ASXL1: variants seen among roughly 807,000 people sequenced by gnomAD.
ASXL1 encodes polycomb group protein ASXL1.
Under a neutral mutation model 89.1 loss-of-function variants are expected in ASXL1, and 65 were observed. The observed-to-expected ratio is 0.73, with a 90% CI of 0.60 to 0.90. ASXL1 has a LOEUF of 0.90. Ranked by LOEUF, ASXL1 falls within the 40% of genes least tolerant of loss-of-function variation. The pLI is 0.00. For missense variants in ASXL1, 1,786 were observed against 1,942.9 expected (o/e 0.92, Z 1.52); for synonymous variants, 739 against 746.9 (o/e 0.99, Z 0.17).
chr20:32,427,243 T>C (rs1353110594), intron 4 of ASXL1: 1 of 152,118 alleles, frequency 6.6e-6, no homozygotes, highest in Non-Finnish European at 1.5e-5. Flanking sequence ...GGAGGTGAAA[T>C]TTGGGATGGA....
chr20:32,435,112 T>TG lies in ASXL1; in HGVS notation c.2401dup (p.Glu801GlyfsTer21). The stretch of plus-strand genomic sequence containing the variant: ...GCACCACTTCCTGGGAAAGTGATGA[T>TG]GAGGAGCAAGGACCCACCGTTCCTG... On this transcript the variant is annotated frameshift_variant, in exon 13 of 13. Transcript: ENST00000375687. LOFTEE classifies it low-confidence loss of function (END_TRUNC). 6.2e-7 allele frequency: 1 copy of TG among 1,613,972 alleles called. No homozygotes were observed. The highest frequency in any genetic ancestry group is 8.5e-7 in the Non-Finnish European group (1 of 1,180,032).
At position 32,402,968 on chromosome 20, in the gene ASXL1, G is replaced by A. The variant is rs373337983; in HGVS notation, c.253-25160G>A. ...ATTTTTAAATTTTATAGTTTTTTTT[G>A]GTGTCATATCTAAGCACTCTTTGGC... is the stretch of plus-strand genomic sequence containing the variant. On this transcript the variant is annotated intron_variant, in intron 4 of 12. Coordinates refer to ENST00000375687, the MANE Select transcript of ASXL1 (RefSeq NM_015338.6). Among the ~76,000 whole-genome samples, 23 of 151,510 alleles carry A rather than the reference G, an allele frequency of 1.5e-4. No individual in the cohort carries two copies. In the East Asian group the frequency reaches 4.3e-3, roughly 28 times the overall value.
chr20:32,378,002 G>GTGTGTGTGTGTGTGTT (rs2048416430), intron 4 of ASXL1, among the ~76,000 whole-genome samples: 1 of 123,398 alleles, frequency 8.1e-6, no homozygotes, highest in South Asian at 2.7e-4. Context: ...GTGTGTGTGT[G>GTGTGTGTGTGTGTGTT]TTTTGGAGAC....
chr20:32,436,631 T>C lies in ASXL1; in HGVS notation c.3919T>C (p.Ser1307Pro). The change falls in exon 13 of 13, where the codon TCT becomes CCT. Residue 1307 changes from serine (S) to proline (P), a missense_variant. Coordinates refer to ENST00000375687, the MANE Select transcript of ASXL1 (RefSeq NM_015338.6). The stretch of plus-strand genomic sequence containing the variant: ...AGGCCAAGGGAAGAAGCTTTTTGGC[T>C]CTGGGAATGTGGCTGCAACCCTTCA... ...VTGQGKKLFG[S>P]GNVAATLQRP... 1 of 1,614,120 alleles carries C rather than the reference T, an allele frequency of 6.2e-7. No homozygotes were observed. The highest frequency in any genetic ancestry group is 8.5e-7 in the Non-Finnish European group (1 of 1,180,052).
In ASXL1 at chr20:32,435,562, A is replaced by G; in HGVS notation, c.2850A>G (p.Leu950=). The G allele has an allele frequency of 1.2e-6, 2 of 1,614,100 alleles. No individual in the cohort carries two copies. The highest frequency in any genetic ancestry group is 1.7e-6 in the Non-Finnish European group (2 of 1,180,034). The stretch of plus-strand genomic sequence containing the variant: ...GGGATTTGACAGCTGAGGAGGGTCT[A>G]GATCCTCTTGACAGCCTTACTTCAC... ...LPGDLTAEEG[L]DPLDSLTSLW... The change falls in exon 13 of 13, where the codon CTA becomes CTG. Residue 950 remains leucine (L), a synonymous_variant. Coordinates refer to ENST00000375687, the MANE Select transcript of ASXL1 (RefSeq NM_015338.6).
intron 10 of ASXL1, chr20:32,432,603 A>G (rs1600580755): frequency 2.5e-6 from 1 of 396,072 alleles, no homozygotes; most frequent in African/African-American, 2.1e-5. Flanking sequence ...GTAAACAATC[A>G]GGCCTACCTA....
At chr20:32,427,447 T>G (rs2011352410) in intron 4 of ASXL1, 2 of 155,182 alleles carry the variant, frequency 1.3e-5, no homozygotes, top group South Asian at 3.9e-4. Context: ...ATCAAATTCT[T>G]GATCCCTCCA....
At chr20:32,358,953 T>G (rs2048060514) in intron 1 of ASXL1, 121 bp downstream of exon 1, 1 of 1,076,244 alleles carries the variant, frequency 9.3e-7, no homozygotes, top group South Asian at 1.9e-5. Context: ...CGGGGCCATC[T>G]TCCTTTAAGA....
intron 4 of ASXL1, among the ~76,000 whole-genome samples, chr20:32,405,581 A>G (rs879727032): frequency 6.6e-6 from 1 of 152,170 alleles, no homozygotes; most frequent in African/African-American, 2.4e-5. Flanking sequence ...GGTCAGAATT[A>G]TGTGTTGCAT....
chr20:32,424,948 C>A (rs1215606225), intron 4 of ASXL1, among the ~76,000 whole-genome samples: 4 of 152,182 alleles, frequency 2.6e-5, no homozygotes. Flanking sequence ...CCCTACCCCC[C>A]ACTGCCCCTT....
intron 4 of ASXL1, among the ~76,000 whole-genome samples, chr20:32,399,433 T>C (rs2048830072): frequency 1.3e-5 from 2 of 152,126 alleles, no homozygotes; most frequent in South Asian, 4.1e-4. Context: ...TTTCTTGTGT[T>C]TATTGTGCTT....
chr20:32,404,118 C>T (rs554701807), intron 4 of ASXL1, among the ~76,000 whole-genome samples: 1 of 152,104 alleles, frequency 6.6e-6, no homozygotes, highest in African/African-American at 2.4e-5. Flanking sequence ...GAACTAATTT[C>T]TTCTATCTAA....
chr20:32,436,754 G>A lies in ASXL1; in HGVS notation c.4042G>A (p.Gly1348Arg), dbSNP rs1235681276. 8 of 1,614,046 alleles carry A rather than the reference G, an allele frequency of 5.0e-6. No individual in the cohort carries two copies. Among genetic ancestry groups the A allele is most frequent in the African/African-American group, 2.7e-5 (2 of 74,940 alleles). The change falls in exon 13 of 13, where the codon GGG becomes AGG. Residue 1348 changes from glycine to arginine, a missense_variant. Physicochemically the swap from Gly to Arg is moderately radical, Grantham distance 125. Transcript: ENST00000375687. ...ACCAAGCACAAACTCCATGTCTGGTGGGGTACAGACTCCAAGGGAAGACTG... is the reference window on the plus strand; with the variant it reads ...ACCAAGCACAAACTCCATGTCTGGTAGGGTACAGACTCCAAGGGAAGACTG... ...LGPSTNSMSGGVQTPREDWAP... is the reference protein window; with the variant it reads ...LGPSTNSMSGRVQTPREDWAP...
At chr20:32,381,407 G>A (rs1047873163) in intron 4 of ASXL1, among the ~76,000 whole-genome samples, 4 of 151,860 alleles carry the variant, frequency 2.6e-5, no homozygotes, top group African/African-American at 9.7e-5. Flanking sequence ...TTACTGTGTT[G>A]CCCAGAATGG....
At chr20:32,401,099 G>A (rs2048863625) in intron 4 of ASXL1, among the ~76,000 whole-genome samples, 1 of 152,164 alleles carries the variant, frequency 6.6e-6, no homozygotes, top group Admixed American at 6.5e-5. Context: ...CATAACCATA[G>A]TATAGTTATT....
intron 8 of ASXL1, 98 bp from the exon 9 acceptor site, chr20:32,431,223 T>C (rs748275658): frequency 1.4e-6 from 2 of 1,449,760 alleles, no homozygotes; most frequent in East Asian, 4.7e-5. Context: ...AGATAACTCC[T>C]GGGTAGCTTG....
In ASXL1 at chr20:32,435,628, C is replaced by T. The variant is rs2145375196; in HGVS notation, c.2916C>T (p.Gly972=). 2 of 1,614,126 alleles carry T rather than the reference C, an allele frequency of 1.2e-6. No individual in the cohort carries two copies. Among genetic ancestry groups the T allele is most frequent in the Non-Finnish European group, 1.7e-6 (2 of 1,180,038 alleles). Residue 972 remains glycine (G), a synonymous_variant, in exon 13 of 13, where the codon GGC becomes GGT. Transcript: ENST00000375687. ...VPSRGGSDSN[G]SYCQQVDIEK... ...CTCGAGGAGGCAGTGACAGCAATGG[C>T]AGTTACTGTCAACAGGTGGACATTG...
chr20:32,359,093 G>A, intron 1 of ASXL1: 1 of 595,218 alleles, frequency 1.7e-6, no homozygotes, highest in Admixed American at 3.0e-5. Context: ...GAGCTGGCAG[G>A]CCGGCTCCTC....
At chr20:32,404,949 C>G (rs1440321729) in intron 4 of ASXL1, among the ~76,000 whole-genome samples, 4 of 152,000 alleles carry the variant, frequency 2.6e-5, no homozygotes, top group Non-Finnish European at 5.9e-5. Flanking sequence ...TGATGAATTC[C>G]TTTTCATATG....
Sources: allele counts gnomAD v4.1 joint callset (sites outside exome capture counted in the v4.1 genomes callset), GRCh38; gene constraint gnomAD v4.1.1; transcripts MANE v1.5; gene names NCBI Gene and HGNC (gene_info 2026-07-23, HGNC 2026-07-21).